The following GPC3 variants were observed in gnomAD, a reference collection of about 807,000 sequenced individuals.
The protein encoded by GPC3 is glypican-3.
In GPC3, 3 loss-of-function variants were observed where a neutral mutation model predicts 34.4. The observed-to-expected ratio is 0.09, with a 90% CI of 0.04 to 0.23. The LOEUF (loss-of-function observed/expected upper bound fraction) is 0.23. GPC3 is among the 10% of genes least tolerant of loss of function. The pLI, the probability that GPC3 is intolerant of heterozygous loss-of-function variation, is 1.00. For synonymous variants in GPC3, 177 were observed against 174.0 expected (o/e 1.02, Z -0.13); for missense variants, 351 against 445.6 (o/e 0.79, Z 1.91).
intron 2 of GPC3, among the ~76,000 whole-genome samples, chrX:133,817,432 C>T (rs2075697690): frequency 1.8e-5 from 2 of 110,584 alleles, no homozygotes; most frequent in African/African-American, 6.6e-5. Context: ...GTGTGGTTGG[C>T]CACATGTGAA....
At chrX:133,958,809 C>T (rs1420842357) in intron 1 of GPC3, among the ~76,000 whole-genome samples, 5 of 106,069 alleles carry the variant, frequency 4.7e-5, no homozygotes, top group African/African-American at 1.7e-4. Flanking sequence ...TCGCTTGAAC[C>T]CAGGAGGCGG....
intron 2 of GPC3, among the ~76,000 whole-genome samples, chrX:133,861,884 G>GAA (rs925900782): frequency 1.3e-4 from 15 of 111,765 alleles, no homozygotes; most frequent in African/African-American, 4.9e-4. Context: ...ACAGCCTGTA[G>GAA]AAATACGAGC....
intron 3 of GPC3, among the ~76,000 whole-genome samples, chrX:133,712,568 A>T (rs1287186534): frequency 9.0e-6 from 1 of 111,672 alleles, no homozygotes; most frequent in Non-Finnish European, 1.9e-5. Flanking sequence ...AAGTACACAC[A>T]ATAGTGGAAA....
At chrX:133,650,339 A>T (rs1010181993) in intron 6 of GPC3, among the ~76,000 whole-genome samples, 26 of 110,189 alleles carry the variant, frequency 2.4e-4, no homozygotes, top group African/African-American at 8.3e-4. Flanking sequence ...ATCATGTGGT[A>T]AAATCTCTAA....
chrX:133,979,802 C>T (rs1450449708), intron 1 of GPC3, among the ~76,000 whole-genome samples: 1 of 112,020 alleles, frequency 8.9e-6, no homozygotes, highest in Admixed American at 9.5e-5. Context: ...TCAAGCCAGA[C>T]AATTTGCTAA....
chrX:133,550,791 C>T (rs2069427157), intron 7 of GPC3, among the ~76,000 whole-genome samples: 2 of 112,082 alleles, frequency 1.8e-5, no homozygotes, highest in Admixed American at 1.9e-4. Flanking sequence ...AAAGGCAGGG[C>T]CAATGGTGGG....
chrX:133,831,635 C>A (rs1603255814), intron 2 of GPC3, among the ~76,000 whole-genome samples: 1 of 112,245 alleles, frequency 8.9e-6, no homozygotes, highest in Non-Finnish European at 1.9e-5. Flanking sequence ...GAGGCTGAGG[C>A]AGGAGAATTG....
intron 5 of GPC3, among the ~76,000 whole-genome samples, chrX:133,688,359 A>G (rs2071028738): frequency 8.9e-6 from 1 of 112,092 alleles, no homozygotes; most frequent in African/African-American, 3.2e-5. Flanking sequence ...CTGAGAAGGA[A>G]GAATGATAGG....
In GPC3 at chrX:133,596,584, A is replaced by T. The variant is rs2069919041; in HGVS notation, c.1429T>A (p.Ser477Thr). 1.7e-6 allele frequency: 2 copies of T among 1,211,097 alleles called. No homozygotes were observed. Among genetic ancestry groups the T allele is most frequent in the Non-Finnish European group, 2.2e-6 (2 of 894,994 alleles). ...TCCAGAACTCTACCTTTGGGCATAG[A>T]CATGGTTCTCAGGAGCTGAAAGAAA... ...KHINQLLRTMSMPKGRVLDKN... is the reference protein window; with the variant it reads ...KHINQLLRTMTMPKGRVLDKN... The change falls in exon 7 of 8, where the codon TCT becomes ACT. Residue 477 changes from serine to threonine, a missense_variant. Ser to Thr is a moderately conservative substitution (Grantham distance 58, BLOSUM62 1). Coordinates refer to ENST00000370818, the MANE Select transcript of GPC3 (RefSeq NM_004484.4).
At chrX:133,834,110 T>G (rs1472575202) in intron 2 of GPC3, among the ~76,000 whole-genome samples, 1 of 112,660 alleles carries the variant, frequency 8.9e-6, no homozygotes, top group Non-Finnish European at 1.9e-5. Flanking sequence ...TGCTGTTTCA[T>G]AATTTAACCA....
intron 1 of GPC3, among the ~76,000 whole-genome samples, chrX:133,970,120 C>T (rs978744206): frequency 9.0e-6 from 1 of 111,593 alleles, no homozygotes; most frequent in African/African-American, 3.3e-5. Flanking sequence ...ACCTGTACTC[C>T]GTATATCAGC....
intron 6 of GPC3, among the ~76,000 whole-genome samples, chrX:133,657,934 G>GAA (rs2070681446): frequency 9.2e-6 from 1 of 108,453 alleles, no homozygotes; most frequent in Non-Finnish European, 1.9e-5. Context: ...GAGAGAGAGA[G>GAA]AGGAGAAGTA....
intron 2 of GPC3, among the ~76,000 whole-genome samples, chrX:133,915,457 G>A (rs779565272): frequency 8.9e-6 from 1 of 112,177 alleles, no homozygotes; most frequent in African/African-American, 3.2e-5. Flanking sequence ...TTACAGGCGT[G>A]AGCCACGGTG....
intron 5 of GPC3, among the ~76,000 whole-genome samples, chrX:133,669,922 T>G (rs980630767): frequency 5.4e-5 from 6 of 110,492 alleles, no homozygotes; most frequent in Admixed American, 3.9e-4. Flanking sequence ...ATTTGTGAAG[T>G]GAAAAGGGGG....
chrX:133,776,358 A>G (rs559849033), intron 2 of GPC3, among the ~76,000 whole-genome samples: 200 of 110,791 alleles, frequency 1.8e-3, no homozygotes, highest in South Asian at 0.013. Context: ...TTCCAGCACT[A>G]CTTGGTCTGT....
intron 6 of GPC3, among the ~76,000 whole-genome samples, chrX:133,626,908 A>C (rs769870986): frequency 9.2e-6 from 1 of 108,355 alleles, no homozygotes; most frequent in East Asian, 2.9e-4. Flanking sequence ...AAGACTTGGA[A>C]CCAACCCAAA....
rs754325284 is a variant in GPC3 at position 133,810,226 on chromosome X, G to C, written c.338-56050C>G. On this transcript the variant is annotated intron_variant, in intron 2 of 7. Coordinates refer to ENST00000370818, the MANE Select transcript of GPC3 (RefSeq NM_004484.4). ...GCAGATGACCACTTAAGTATGGCTA[G>C]TCTGAAAAGTCTGCCTTGAAATCAA... 2.3e-4 allele frequency among the ~76,000 whole-genome samples: 26 copies of C among 112,141 alleles called. No individual in the cohort carries two copies. In the East Asian group the frequency reaches 7.0e-3, roughly 30 times the overall value.
chrX:133,662,578 G>T (rs1258803734), intron 5 of GPC3, among the ~76,000 whole-genome samples: 1 of 112,492 alleles, frequency 8.9e-6, no homozygotes, highest in African/African-American at 3.2e-5. Flanking sequence ...CTGCCTTCCA[G>T]TGTGGGGTTT....
intron 2 of GPC3, among the ~76,000 whole-genome samples, chrX:133,923,716 G>A (rs1468890172): frequency 8.9e-6 from 1 of 112,452 alleles, no homozygotes; most frequent in African/African-American, 3.2e-5. Context: ...TCAGCCCTAG[G>A]CTCGGCAGTG....
Sources: allele counts gnomAD v4.1 joint callset (sites outside exome capture counted in the v4.1 genomes callset), GRCh38; gene constraint gnomAD v4.1.1; transcripts MANE v1.5; gene names NCBI Gene and HGNC (gene_info 2026-07-23, HGNC 2026-07-21).